Variants in PCCA observed in about 807,000 individuals in gnomAD.
PCCA encodes propionyl-CoA carboxylase alpha chain, mitochondrial.
PCCA carries 74 observed loss-of-function variants against 101.3 expected under a neutral mutation model. The ratio of observed to expected loss-of-function variants is 0.73; its 90% CI spans 0.61 to 0.89. The LOEUF is 0.89. PCCA is among the 40% of genes least tolerant of loss of function. PCCA has a pLI of 0.00. For synonymous variants in PCCA, 294 were observed against 313.6 expected (o/e 0.94, Z 0.66); for missense variants, 891 against 907.0 (o/e 0.98, Z 0.23).
chr13:100,276,846 A>G (rs1044825036), intron 12 of PCCA, among the ~76,000 whole-genome samples: 3 of 152,160 alleles, frequency 2.0e-5, no homozygotes, highest in African/African-American at 7.2e-5. Flanking sequence ...GTTTTGTAGT[A>G]CATGTCTGAT....
At chr13:100,389,067 A>G (rs191082930) in intron 19 of PCCA, among the ~76,000 whole-genome samples, 32 of 152,358 alleles carry the variant, frequency 2.1e-4, no homozygotes, top group Non-Finnish European at 3.8e-4. Flanking sequence ...GACTTCTCAC[A>G]GTGTCATCTG....
intron 18 of PCCA, among the ~76,000 whole-genome samples, chr13:100,347,915 T>G (rs1437509224): frequency 6.6e-6 from 1 of 152,114 alleles, no homozygotes; most frequent in African/African-American, 2.4e-5. Flanking sequence ...AGTGTAGAGC[T>G]GTAACATTTA....
At chr13:100,188,559 T>C (rs2057500595) in intron 6 of PCCA, among the ~76,000 whole-genome samples, 1 of 152,246 alleles carries the variant, frequency 6.6e-6, no homozygotes, top group Non-Finnish European at 1.5e-5. Context: ...TTTATTTTCC[T>C]CTGGGTAGAC....
intron 16 of PCCA, among the ~76,000 whole-genome samples, chr13:100,318,993 C>T (rs2152711618): frequency 6.6e-6 from 1 of 152,204 alleles, no homozygotes; most frequent in South Asian, 2.1e-4. Flanking sequence ...CTCTCCAGCA[C>T]CTGTTGTTTC....
intron 8 of PCCA, among the ~76,000 whole-genome samples, chr13:100,238,495 C>G (rs1272849781): frequency 1.3e-5 from 2 of 152,080 alleles, no homozygotes; most frequent in Non-Finnish European, 2.9e-5. Flanking sequence ...CAATTACTCT[C>G]TCTTGCTTGT....
In PCCA at chr13:100,405,620, G is replaced by A. The variant is rs145471050; in HGVS notation, c.1747-20013G>A. Among the ~76,000 whole-genome samples, 17 of 152,294 alleles carry A rather than the reference G, an allele frequency of 1.1e-4. No individual in the cohort carries two copies. In the East Asian group the frequency reaches 2.9e-3, roughly 26 times the overall value. On this transcript the variant is annotated intron_variant, in intron 19 of 23. Coordinates refer to ENST00000376285, the MANE Select transcript of PCCA (RefSeq NM_000282.4). ...GCCTTTTGGATTGGCTTTGATGGAT[G>A]TCTATTCCACAAGGAATCTCAGATA... is the stretch of plus-strand genomic sequence containing the variant.
At position 100,192,130 on chromosome 13, in the gene PCCA, A is replaced by G. The variant is rs560884382; in HGVS notation, c.469-17202A>G. 5.3e-5 allele frequency among the ~76,000 whole-genome samples: 8 copies of G among 152,332 alleles called. No individual in the cohort carries two copies. The East Asian group carries it at 7.7e-4, about 15-fold the overall frequency. On this transcript the variant is annotated intron_variant, in intron 6 of 23. Coordinates refer to ENST00000376285, the MANE Select transcript of PCCA (RefSeq NM_000282.4). ...ATTATTTATGCAGTTGATAATTGCA[A>G]TATTGCCACTTCACATATGAAAATA...
At chr13:100,338,660 C>T (rs1355359664) in intron 17 of PCCA, among the ~76,000 whole-genome samples, 1 of 149,526 alleles carries the variant, frequency 6.7e-6, no homozygotes, top group Non-Finnish European at 1.5e-5. Flanking sequence ...AAATGAGGAA[C>T]TTTCCAATGC....
intron 13 of PCCA, 140 bp downstream of exon 13, chr13:100,301,743 A>T: frequency 9.9e-7 from 1 of 1,011,548 alleles, no homozygotes; most frequent in Non-Finnish European, 1.5e-6. Context: ...TAAATCAGAA[A>T]AAAATTAGAT....
intron 16 of PCCA, among the ~76,000 whole-genome samples, chr13:100,310,300 A>G (rs1254147682): frequency 6.6e-6 from 1 of 152,218 alleles, no homozygotes; most frequent in African/African-American, 2.4e-5. Context: ...ATAGACATAA[A>G]TAAGTTACTT....
chr13:100,264,084 TACG>T, intron 10 of PCCA, among the ~76,000 whole-genome samples: 1 of 146,432 alleles, frequency 6.8e-6, no homozygotes, highest in Non-Finnish European at 1.5e-5. Flanking sequence ...ATCGTATATA[TACG>T]GTATCTGTAT....
At chr13:100,331,656 A>C (rs1467409359) in intron 17 of PCCA, among the ~76,000 whole-genome samples, 4 of 152,164 alleles carry the variant, frequency 2.6e-5, no homozygotes, top group African/African-American at 9.7e-5. Context: ...GAATGGCTCT[A>C]AGTTGGGATC....
At chr13:100,133,334 C>CAGTT (rs1028673841) in intron 4 of PCCA, among the ~76,000 whole-genome samples, 21 of 152,194 alleles carry the variant, frequency 1.4e-4, no homozygotes, top group Middle Eastern at 3.4e-3. Flanking sequence ...TAGTTTCTTC[C>CAGTT]AGTTGGTAGG....
intron 21 of PCCA, among the ~76,000 whole-genome samples, chr13:100,462,249 T>C (rs1437043607): frequency 6.6e-6 from 1 of 152,234 alleles, no homozygotes; most frequent in East Asian, 1.9e-4. Flanking sequence ...GAATGAACTT[T>C]TGGAATATAA....
chr13:100,138,301 A>G (rs1049778702), intron 4 of PCCA, among the ~76,000 whole-genome samples: 2 of 152,098 alleles, frequency 1.3e-5, no homozygotes, highest in East Asian at 1.9e-4. Flanking sequence ...TATAATATAC[A>G]TACTTAACTT....
chr13:100,298,628 TC>T (rs1305934006), intron 12 of PCCA, among the ~76,000 whole-genome samples: 3,802 of 4,646 alleles, frequency 0.82, 1,629 homozygotes, highest in Non-Finnish European at 0.85. Flanking sequence ...CCTCCCTCCC[TC>T]CCCTCCCTCC....
chr13:100,140,736 G>A (rs2051766617), intron 4 of PCCA, among the ~76,000 whole-genome samples: 1 of 152,128 alleles, frequency 6.6e-6, no homozygotes, highest in African/African-American at 2.4e-5. Context: ...GAATTCAGTG[G>A]GATAGTTGGG....
intron 1 of PCCA, among the ~76,000 whole-genome samples, chr13:100,096,422 C>G (rs2046779929): frequency 6.6e-6 from 1 of 152,164 alleles, no homozygotes; most frequent in Non-Finnish European, 1.5e-5. Context: ...CAGTTATTCC[C>G]CTATGTCTCT....
chr13:100,192,612 C>T (rs530713182), intron 6 of PCCA, among the ~76,000 whole-genome samples: 9 of 152,260 alleles, frequency 5.9e-5, no homozygotes, highest in South Asian at 4.1e-4. Flanking sequence ...GAGGCTGAGG[C>T]GGGAGGATCC....
Sources: gnomAD v4.1 joint callset for allele counts (sites outside exome capture counted in the v4.1 genomes callset) on GRCh38, gnomAD v4.1.1 for gene constraint, MANE v1.5 for transcripts, NCBI Gene and HGNC (gene_info 2026-07-23, HGNC 2026-07-21) for gene names.